The following ARMCX4 variants were observed in gnomAD, a reference collection of about 807,000 sequenced individuals.
ARMCX4 encodes armadillo repeat-containing X-linked protein 4.
A neutral mutation model predicts 34.7 loss-of-function variants in ARMCX4; 3 were observed. That is an observed-to-expected ratio of 0.09 (90% CI 0.04 to 0.22). ARMCX4 has a LOEUF of 0.22. Among genes scored for constraint, ARMCX4 ranks in the 10% least tolerant of loss-of-function variants. The pLI is 1.00. For missense variants in ARMCX4, 1,448 were observed against 1,720.8 expected (o/e 0.84, Z 2.81); for synonymous variants, 513 against 632.8 (o/e 0.81, Z 2.84).
At chrX:101,498,193 CTA>C (rs1569339970), downstream of ARMCX4, 1 of 330,332 alleles carries the variant, frequency 3.0e-6, no homozygotes, top group East Asian at 9.7e-5. Flanking sequence ...ATGCTGAACT[CTA>C]TCTCTGGGCC....
rs1556008275 is a variant in ARMCX4 at position 101,490,166 on chromosome X, G to T, written c.1577G>T (p.Gly526Val). ...SQGEALPNTR[G>V]KARGKAKAKC... ...GGTGAAGCCTTACCTAATACTAGAG[G>T]TAAGGCTAGGGGCAAAGCCAAAGCC... is the stretch of plus-strand genomic sequence containing the variant. Residue 526 changes from glycine (G) to valine (V), a missense_variant, in exon 6 of 6, where the codon GGT becomes GTT. Coordinates refer to ENST00000423738, the MANE Select transcript of ARMCX4 (RefSeq NM_001256155.3). 1.8e-5 allele frequency: 21 copies of T among 1,154,091 alleles called. No homozygotes were observed. The highest frequency in any genetic ancestry group is 1.3e-5 in the Non-Finnish European group (11 of 872,535).
At chrX:101,419,465 C>A (rs190967475) in intron 2 of ARMCX4, among the ~76,000 whole-genome samples, 10 of 111,988 alleles carry the variant, frequency 8.9e-5, no homozygotes, top group Admixed American at 8.5e-4. Context: ...AATTATAACT[C>A]AAAGAAGCTC....
chrX:101,496,723 T>C (rs1480704590), downstream of ARMCX4, among the ~76,000 whole-genome samples: 1 of 111,376 alleles, frequency 9.0e-6, no homozygotes, highest in African/African-American at 3.3e-5. Context: ...GGGATACACA[T>C]AGAAGATCTA....
intron 4 of ARMCX4, among the ~76,000 whole-genome samples, chrX:101,459,638 G>A (rs1433985583): frequency 8.9e-6 from 1 of 112,067 alleles, no homozygotes; most frequent in Non-Finnish European, 1.9e-5. Flanking sequence ...CACGTAAAAG[G>A]TAAAATAAGG....
chrX:101,460,583 A>G (rs782788476), intron 4 of ARMCX4, among the ~76,000 whole-genome samples: 15 of 111,833 alleles, frequency 1.3e-4, no homozygotes, highest in Non-Finnish European at 2.3e-4. Flanking sequence ...AAGTACTCCA[A>G]TCTGTCTGGG....
At chrX:101,475,427 A>C (rs1933141655) in intron 4 of ARMCX4, among the ~76,000 whole-genome samples, 1 of 111,721 alleles carries the variant, frequency 9.0e-6, no homozygotes, top group African/African-American at 3.2e-5. Context: ...CCAAACCACT[A>C]TAGGTAAAAT....
chrX:101,523,526 C>T (rs782595771), intron 11 of ARMCX4, among the ~76,000 whole-genome samples: 15 of 111,665 alleles, frequency 1.3e-4, no homozygotes, highest in Non-Finnish European at 2.3e-4. Context: ...CCTAAGTAGC[C>T]AGGCTAAAAG....
At chrX:101,524,800 G>C (rs1934929155) in intron 11 of ARMCX4, among the ~76,000 whole-genome samples, 1 of 111,875 alleles carries the variant, frequency 8.9e-6, no homozygotes, top group African/African-American at 3.2e-5. Context: ...CAGGAAGCTT[G>C]AACTGGGTGG....
At position 101,440,474 on chromosome X, in the gene ARMCX4, G is replaced by A. The variant is rs183901401; in HGVS notation, n.165-3578G>A. 2.2e-3 allele frequency among the ~76,000 whole-genome samples: 242 copies of A among 112,068 alleles called. 1 individual carries two copies. The highest frequency in any genetic ancestry group is 7.1e-3 in the African/African-American group (219 of 30,899). ...TGTCAGTTCTCAGATCTCCAGCTGC[G>A]TGCTGGGAGAACCACTACTGTCTTT... On this transcript the variant is annotated intron_variant and non_coding_transcript_variant, in intron 2 of 3. Coordinates refer to the ARMCX4 transcript ENST00000430461.
In ARMCX4 at chrX:101,488,572, T is replaced by A. The variant is rs782175213; in HGVS notation, c.-18T>A. ...CGCTCTACCATACCTTGTTCGTGCT[T>A]TTAGCAGGGGTGATTACATGGGCCG... On this transcript the variant is annotated 5_prime_UTR_variant, in exon 6 of 6. Transcript: ENST00000423738. The A allele has an allele frequency of 8.7e-7, 1 of 1,155,766 alleles. No individual in the cohort carries two copies. Among genetic ancestry groups the A allele is most frequent in the Non-Finnish European group, 1.1e-6 (1 of 872,982 alleles).
intron 4 of ARMCX4, among the ~76,000 whole-genome samples, chrX:101,467,260 G>A (rs1297267453): frequency 9.0e-6 from 1 of 111,446 alleles, no homozygotes; most frequent in Non-Finnish European, 1.9e-5. Flanking sequence ...CGTGATTCTC[G>A]TGCCTCAGCC....
intron 4 of ARMCX4, among the ~76,000 whole-genome samples, chrX:101,459,945 T>C (rs1276427276): frequency 8.9e-6 from 1 of 112,279 alleles, no homozygotes; most frequent in Non-Finnish European, 1.9e-5. Context: ...TAAACACTAA[T>C]TGCTGGGCCC....
At chrX:101,440,564 C>T (rs1282238054) in intron 2 of ARMCX4, among the ~76,000 whole-genome samples, 6 of 111,739 alleles carry the variant, frequency 5.4e-5, no homozygotes, top group Non-Finnish European at 1.1e-4. Context: ...TATGTCCTGC[C>T]CCCAGAGGTG....
intron 2 of ARMCX4, among the ~76,000 whole-genome samples, chrX:101,432,783 TATATACAC>T (rs1930177638): frequency 1.6e-5 from 1 of 62,569 alleles, no homozygotes; most frequent in East Asian, 4.3e-4. Flanking sequence ...TACATATATG[TATATACAC>T]ATATACACAT....
At chrX:101,526,324 C>T (rs1226192749) in intron 11 of ARMCX4, among the ~76,000 whole-genome samples, 2 of 111,829 alleles carry the variant, frequency 1.8e-5, no homozygotes, top group Non-Finnish European at 3.8e-5. Flanking sequence ...ACAAGAGCTC[C>T]TGATGGAAGC....
In ARMCX4 at chrX:101,490,494, T is replaced by A; in HGVS notation, c.1905T>A (p.Ser635Arg). 8.7e-7 allele frequency: 1 copy of A among 1,155,367 alleles called. No individual in the cohort carries two copies. The highest frequency in any genetic ancestry group is 1.9e-5 in the South Asian group (1 of 52,703). The change falls in exon 6 of 6, where the codon AGT (serine) becomes AGA (arginine). Residue 635 changes from serine to arginine, a missense_variant. Coordinates refer to ENST00000423738, the MANE Select transcript of ARMCX4 (RefSeq NM_001256155.3). ...TDSAQPEAVV[S>R]FQGEALLGTK... ...CTGCCCAGCCTGAGGCAGTGGTCAG[T>A]TTCCAGGGTGAGGCCTTGCTTGGCA...
chrX:101,463,662 A>C (rs1040268453), intron 4 of ARMCX4, among the ~76,000 whole-genome samples: 13 of 112,069 alleles, frequency 1.2e-4, no homozygotes, highest in African/African-American at 3.6e-4. Context: ...GATAATGAAC[A>C]GTATTATTTT....
At chrX:101,471,870 A>G (rs1932922891) in intron 4 of ARMCX4, among the ~76,000 whole-genome samples, 1 of 110,319 alleles carries the variant, frequency 9.1e-6, no homozygotes, top group African/African-American at 3.3e-5. Flanking sequence ...AATAGAACAG[A>G]AAAACTGGAA....
intron 2 of ARMCX4, among the ~76,000 whole-genome samples, chrX:101,435,513 G>T (rs1238108133): frequency 9.0e-6 from 1 of 111,440 alleles, no homozygotes; most frequent in Non-Finnish European, 1.9e-5. Flanking sequence ...AAACTTGTTT[G>T]AGTTCATTGT....
Sources: allele counts gnomAD v4.1 joint callset (sites outside exome capture counted in the v4.1 genomes callset), GRCh38; gene constraint gnomAD v4.1.1; transcripts MANE v1.5; gene names NCBI Gene and HGNC (gene_info 2026-07-23, HGNC 2026-07-21).